The following ASCC3 variants were observed in gnomAD, a reference collection of about 807,000 sequenced individuals.
ASCC3 encodes activating signal cointegrator 1 complex subunit 3.
A neutral mutation model predicts 256.3 loss-of-function variants in ASCC3; 158 were observed. The observed-to-expected ratio is 0.62, with a 90% CI of 0.54 to 0.70. The LOEUF is 0.70. Among genes scored for constraint, ASCC3 ranks in the 30% least tolerant of loss-of-function variants. The pLI is 0.00. For missense variants in ASCC3, 2,259 were observed against 2,626.0 expected, an observed-to-expected ratio of 0.86 and a Z score of 3.05; for synonymous variants, 948 against 883.4, an observed-to-expected ratio of 1.07 and a Z score of -1.30.
At chr6:100,781,541 G>A (rs12525271) in intron 8 of ASCC3, among the ~76,000 whole-genome samples, 8,132 of 135,174 alleles carry the variant, frequency 0.06, 284 homozygotes, top group Middle Eastern at 0.16. Flanking sequence ...GTGCCACCAC[G>A]CCTGGCTAAT....
chr6:100,737,175 T>C (rs1317740186), intron 10 of ASCC3, among the ~76,000 whole-genome samples: 3 of 144,242 alleles, frequency 2.1e-5, no homozygotes, highest in Non-Finnish European at 4.5e-5. Flanking sequence ...GGGGAGGCAG[T>C]GGGGGTGGGT....
intron 3 of ASCC3, among the ~76,000 whole-genome samples, chr6:100,860,000 C>T (rs568729617): frequency 6.6e-6 from 1 of 152,110 alleles, no homozygotes; most frequent in East Asian, 1.9e-4. Context: ...ATGGTAAGGT[C>T]TTTCTACCCA....
chr6:100,784,544 T>G (rs527446371), intron 8 of ASCC3, among the ~76,000 whole-genome samples: 6 of 151,978 alleles, frequency 3.9e-5, no homozygotes, highest in Admixed American at 1.3e-4. Flanking sequence ...ACATTCTCCA[T>G]GAATCACGGT....
intron 37 of ASCC3, among the ~76,000 whole-genome samples, chr6:100,538,380 C>A (rs190428065): frequency 1.3e-3 from 191 of 152,178 alleles, no homozygotes; most frequent in African/African-American, 4.5e-3. Flanking sequence ...AGTGTAAAAA[C>A]GTGTTACATG....
At chr6:100,552,409 A>T (rs1035557393) in intron 36 of ASCC3, among the ~76,000 whole-genome samples, 4 of 152,108 alleles carry the variant, frequency 2.6e-5, no homozygotes, top group Non-Finnish European at 5.9e-5. Flanking sequence ...TATTCAAGTA[A>T]CCATACAATT....
intron 13 of ASCC3, among the ~76,000 whole-genome samples, chr6:100,689,956 GA>G (rs910651101): frequency 2.0e-5 from 3 of 151,878 alleles, no homozygotes; most frequent in South Asian, 2.1e-4. Flanking sequence ...TAGCTTATAA[GA>G]AAAAAAGATA....
chr6:100,608,748 TA>T lies in ASCC3; in HGVS notation c.4786-1661del, dbSNP rs1773220625. Among the ~76,000 whole-genome samples, 2 of 38,628 alleles carry T rather than the reference TA, an allele frequency of 5.2e-5. 1 individual carries two copies. Among genetic ancestry groups the T allele is most frequent in the Admixed American group, 1.0e-3 (2 of 1,920 alleles). The allele number at this position is 38,628 out of a possible 152,430, so 25.3% of individuals were successfully genotyped here. A position where few individuals can be genotyped will look rare whatever the true frequency, so the allele number is the denominator to read the frequency against. On this transcript the variant is annotated intron_variant, in intron 30 of 41. Coordinates refer to ENST00000369162, the MANE Select transcript of ASCC3 (RefSeq NM_006828.4). Reference sequence around the variant, plus strand: ...TATATACTTTATATATATATATATATATATATATATATATATATATACTTTT... The same window carrying T: ...TATATACTTTATATATATATATATATTATATATATATATATATATACTTTT...
intron 10 of ASCC3, among the ~76,000 whole-genome samples, chr6:100,751,491 C>T (rs11155635): frequency 0.48 from 73,122 of 151,458 alleles, 17,674 homozygotes; most frequent in South Asian, 0.68. Context: ...CTTCTGGCTT[C>T]CCAGTGTGTG....
chr6:100,543,438 A>T (rs1775562569), intron 36 of ASCC3, among the ~76,000 whole-genome samples: 1 of 152,160 alleles, frequency 6.6e-6, no homozygotes, highest in Admixed American at 6.5e-5. Flanking sequence ...TACATATATA[A>T]ATACATGTAT....
intron 13 of ASCC3, among the ~76,000 whole-genome samples, chr6:100,694,091 G>A (rs1309366728): frequency 1.3e-5 from 2 of 151,966 alleles, no homozygotes; most frequent in Non-Finnish European, 2.9e-5. Flanking sequence ...TTGGATAAAA[G>A]TTTGAAAATT....
intron 4 of ASCC3, among the ~76,000 whole-genome samples, chr6:100,835,018 T>C (rs1008313712): frequency 9.9e-5 from 15 of 152,014 alleles, no homozygotes; most frequent in African/African-American, 3.6e-4. Context: ...GCTGAGTTTC[T>C]AGGCATAGTA....
At chr6:100,633,227 C>T (rs1206224609) in intron 25 of ASCC3, among the ~76,000 whole-genome samples, 1 of 152,112 alleles carries the variant, frequency 6.6e-6, no homozygotes, top group Non-Finnish European at 1.5e-5. Context: ...CACTGTCCCA[C>T]TCAATTCAGC....
intron 10 of ASCC3, among the ~76,000 whole-genome samples, chr6:100,740,234 G>A (rs1477936816): frequency 6.6e-6 from 1 of 152,126 alleles, no homozygotes; most frequent in Admixed American, 6.5e-5. Flanking sequence ...CCATGTAGTT[G>A]TGTGGTTTTG....
chr6:100,716,814 A>C (rs1779108616), intron 12 of ASCC3, among the ~76,000 whole-genome samples: 2 of 151,984 alleles, frequency 1.3e-5, no homozygotes, highest in African/African-American at 4.8e-5. Flanking sequence ...TGCAACTGAA[A>C]GAAAATAAGG....
intron 16 of ASCC3, among the ~76,000 whole-genome samples, chr6:100,660,668 C>T (rs1159390708): frequency 2.0e-5 from 3 of 151,680 alleles, no homozygotes; most frequent in Non-Finnish European, 4.4e-5. Context: ...CTCTCCAACA[C>T]AGATCTTCTG....
At chr6:100,753,407 G>GA (rs1392131664) in intron 10 of ASCC3, among the ~76,000 whole-genome samples, 1 of 149,258 alleles carries the variant, frequency 6.7e-6, no homozygotes, top group Non-Finnish European at 1.5e-5. Flanking sequence ...AGCATCCAAT[G>GA]AAAAAAACTA....
chr6:100,544,426 C>CA (rs1356559293), intron 36 of ASCC3, among the ~76,000 whole-genome samples: 1 of 151,504 alleles, frequency 6.6e-6, no homozygotes, highest in African/African-American at 2.4e-5. Context: ...CTCTAGCAAA[C>CA]AGATCAGGGA....
intron 10 of ASCC3, among the ~76,000 whole-genome samples, chr6:100,739,826 CTTCTTT>C (rs1177383778): frequency 6.6e-6 from 1 of 151,742 alleles, no homozygotes; most frequent in Non-Finnish European, 1.5e-5. Flanking sequence ...TTTCTCTTTT[CTTCTTT>C]ATTAGTCTAG....
At chr6:100,590,794 T>C (rs535799727) in intron 34 of ASCC3, among the ~76,000 whole-genome samples, 22 of 152,196 alleles carry the variant, frequency 1.4e-4, no homozygotes, top group African/African-American at 5.3e-4. Flanking sequence ...GAGAACACTA[T>C]CTAGATGACA....
Sources: gnomAD v4.1 joint callset for allele counts (sites outside exome capture counted in the v4.1 genomes callset) on GRCh38, gnomAD v4.1.1 for gene constraint, MANE v1.5 for transcripts, NCBI Gene and HGNC (gene_info 2026-07-23, HGNC 2026-07-21) for gene names.